LITAF: variants seen among roughly 807,000 people sequenced by gnomAD.
LITAF encodes lipopolysaccharide induced TNF factor.
In LITAF, 9 loss-of-function variants were observed where a neutral mutation model predicts 14.5. The ratio of observed to expected loss-of-function variants is 0.62; its 90% CI spans 0.37 to 1.08. LITAF has a LOEUF of 1.08. Ranked by LOEUF, LITAF falls within the 50% of genes least tolerant of loss-of-function variation. The pLI, the probability that LITAF is intolerant of heterozygous loss-of-function variation, is 0.01. For missense variants in LITAF, 206 were observed against 213.4 expected, an observed-to-expected ratio of 0.97 and a Z score of 0.22; for synonymous variants, 98 against 88.2, an observed-to-expected ratio of 1.11 and a Z score of -0.62.
upstream of LITAF, among the ~76,000 whole-genome samples, chr16:11,639,060 G>A (rs1046815934): frequency 6.6e-6 from 1 of 152,070 alleles, no homozygotes; most frequent in Non-Finnish European, 1.5e-5. Context: ...GTAGAGAGAG[G>A]GATAGAGGGA....
At chr16:11,617,833 C>A (rs557892787) in intron 3 of LITAF, among the ~76,000 whole-genome samples, 1 of 152,114 alleles carries the variant, frequency 6.6e-6, no homozygotes, top group South Asian at 2.1e-4. Flanking sequence ...ATTTCCTTCC[C>A]TCCGTAACCT....
Position 11,548,661 on chromosome 16 carries a change from G to C in LITAF, c.*976C>G. 2.2e-6 allele frequency: 1 copy of C among 453,338 alleles called. No individual in the cohort carries two copies. Among genetic ancestry groups the C allele is most frequent in the Non-Finnish European group, 4.4e-6 (1 of 226,658 alleles). The allele number at this position is 453,338 out of a possible 1,614,324, so 28.1% of individuals were successfully genotyped here. A position where few individuals can be genotyped will look rare whatever the true frequency, so the allele number is the denominator to read the frequency against. On this transcript the variant is annotated 3_prime_UTR_variant, in exon 4 of 4. Coordinates refer to ENST00000622633, the MANE Select transcript of LITAF (RefSeq NM_001136472.2). ...ACCAATCATTTGATTACAGAAAATG[G>C]TTTTATAAATCCTCCTCTTGAAATT...
At chr16:11,625,461 C>A (rs544046762) in intron 3 of LITAF, among the ~76,000 whole-genome samples, 1 of 152,120 alleles carries the variant, frequency 6.6e-6, no homozygotes, top group East Asian at 1.9e-4. Context: ...CAGGGTTTCG[C>A]CATGTTGCCT....
Position 11,549,623 on chromosome 16 carries a change from C to G in LITAF, c.*14G>C, listed in dbSNP as rs540770781. ...TTCCTGCGGCACCCGGCTCCCTCCA[C>G]GTCTGGCTGAGTCCTACAAACGCTT... On this transcript the variant is annotated 3_prime_UTR_variant, in exon 4 of 4. Coordinates refer to ENST00000622633, the MANE Select transcript of LITAF (RefSeq NM_001136472.2). This position sits in a 1 kb window ranked among gnomAD's most constrained non-coding sequence, Gnocchi z 4.6. The G allele has an allele frequency of 3.8e-6, 6 of 1,599,502 alleles. No individual in the cohort carries two copies. The African/African-American group carries it at 4.0e-5, about 11-fold the overall frequency.
At chr16:11,557,160 A>C (rs996504726) in intron 1 of LITAF, among the ~76,000 whole-genome samples, 5 of 152,108 alleles carry the variant, frequency 3.3e-5, no homozygotes, top group Non-Finnish European at 5.9e-5. Flanking sequence ...AAGGCATTCA[A>C]AAACCAACCA....
rs140952437 is a variant in LITAF at position 11,617,719 on chromosome 16, C to T, written c.85+15814G>A. Among the ~76,000 whole-genome samples the T allele has an allele frequency of 5.3e-5, 8 of 152,224 alleles. No individual in the cohort carries two copies. The East Asian group carries it at 1.5e-3, about 29-fold the overall frequency. On this transcript the variant is annotated intron_variant, in intron 3 of 3. Transcript: ENST00000574848. ...GGATTACAGGGGTGAGTCACCGTGC[C>T]TGGCCTATATGGTTTCAATCTTTCA...
At chr16:11,609,269 T>C (rs1168764530) in intron 3 of LITAF, among the ~76,000 whole-genome samples, 1 of 151,622 alleles carries the variant, frequency 6.6e-6, no homozygotes, top group African/African-American at 2.4e-5. Context: ...TGGAGTGCAG[T>C]GGCGAGATCT....
intron 1 of LITAF, among the ~76,000 whole-genome samples, chr16:11,565,774 T>C (rs1309420630): frequency 6.6e-6 from 1 of 151,120 alleles, no homozygotes; most frequent in Admixed American, 6.6e-5. Flanking sequence ...ACGGGCATGC[T>C]CTTTCTTCCG....
At chr16:11,592,579 G>GAA (rs71136669) in intron 1 of LITAF, among the ~76,000 whole-genome samples, 52,844 of 137,094 alleles carry the variant, frequency 0.39, 9,930 homozygotes, top group East Asian at 0.53. Flanking sequence ...TGTCTCAAAA[G>GAA]AAAAAAAAAA....
chr16:11,555,034 AT>A (rs1302085376), intron 2 of LITAF, among the ~76,000 whole-genome samples: 4 of 150,990 alleles, frequency 2.6e-5, no homozygotes, highest in Admixed American at 6.6e-5. Flanking sequence ...CTTACGTGTA[AT>A]TTTTTTTTGG....
intron 1 of LITAF, among the ~76,000 whole-genome samples, chr16:11,563,260 T>A (rs9796962): frequency 6.6e-6 from 1 of 151,958 alleles, no homozygotes; most frequent in Admixed American, 6.5e-5. Context: ...GCAATTCTCG[T>A]GCCTCAGCCT....
At chr16:11,624,210 G>A (rs1479104406) in intron 3 of LITAF, among the ~76,000 whole-genome samples, 1 of 152,106 alleles carries the variant, frequency 6.6e-6, no homozygotes. Flanking sequence ...TATCAGGTAG[G>A]CCTTTCCCTC....
chr16:11,582,846 T>G (rs2064759475), intron 1 of LITAF, among the ~76,000 whole-genome samples: 1 of 152,204 alleles, frequency 6.6e-6, no homozygotes, highest in African/African-American at 2.4e-5. Flanking sequence ...CTATCCAAAT[T>G]GTACACTTAT....
chr16:11,619,049 G>A lies in LITAF; in HGVS notation c.85+14484C>T, dbSNP rs1173915740. 2.7e-5 allele frequency among the ~76,000 whole-genome samples: 4 copies of A among 149,224 alleles called. No individual in the cohort carries two copies. The East Asian group carries it at 8.0e-4, about 30-fold the overall frequency. On this transcript the variant is annotated intron_variant, in intron 3 of 3. Transcript: ENST00000574848. ...GCACTGCCCGGGCACGGTGGCTTAC[G>A]CCTGTAATCCCAGCACTTTGGGAGG... is the stretch of plus-strand genomic sequence containing the variant.
At chr16:11,572,477 T>TGCTGACGG (rs2064560047) in intron 1 of LITAF, among the ~76,000 whole-genome samples, 1 of 151,674 alleles carries the variant, frequency 6.6e-6, no homozygotes, top group African/African-American at 2.4e-5. Flanking sequence ...AGAAGTCACA[T>TGCTGACGG]GACATCACAC....
intron 3 of LITAF, among the ~76,000 whole-genome samples, chr16:11,624,946 C>CA (rs1489994443): frequency 6.6e-6 from 1 of 152,148 alleles, no homozygotes; most frequent in Non-Finnish European, 1.5e-5. Flanking sequence ...AAGACTACCC[C>CA]ATAAGAAGGC....
In LITAF at chr16:11,632,982, G is replaced by A. The variant is rs2065125053; in HGVS notation, c.85+551C>T. Reference sequence around the variant, plus strand: ...TCCAGAGATTTGCTGTCTTAGATAGGAAAGGACGGCCTGGGATCCTGCACC... The same window carrying A: ...TCCAGAGATTTGCTGTCTTAGATAGAAAAGGACGGCCTGGGATCCTGCACC... On this transcript the variant is annotated intron_variant, in intron 3 of 3. Coordinates refer to the LITAF transcript ENST00000574848. The surrounding 1 kb of genome is among the most constrained non-coding windows in gnomAD (Gnocchi z 4.8). 6.6e-6 allele frequency among the ~76,000 whole-genome samples: 1 copy of A among 152,168 alleles called. No individual in the cohort carries two copies. The highest frequency in any genetic ancestry group is 2.1e-4 in the South Asian group (1 of 4,836).
chr16:11,601,570 T>G (rs1196690178), upstream of LITAF, among the ~76,000 whole-genome samples: 1 of 152,138 alleles, frequency 6.6e-6, no homozygotes, highest in Non-Finnish European at 1.5e-5. Flanking sequence ...CCGCTTTTGT[T>G]TATTTATTAA....
chr16:11,573,541 G>T (rs1258537932), intron 1 of LITAF, among the ~76,000 whole-genome samples: 1 of 152,130 alleles, frequency 6.6e-6, no homozygotes, highest in Non-Finnish European at 1.5e-5. Flanking sequence ...GCAAGGCAAG[G>T]GTACCAATCA....
Sources: gnomAD v4.1 joint callset for allele counts (sites outside exome capture counted in the v4.1 genomes callset) on GRCh38, gnomAD v4.1.1 for gene constraint, Gnocchi (gnomAD v3.1) non-coding constraint, MANE v1.5 for transcripts, NCBI Gene and HGNC (gene_info 2026-07-23, HGNC 2026-07-21) for gene names.